The following CLNK variants were observed in gnomAD, a reference collection of about 807,000 sequenced individuals.
The protein encoded by CLNK is cytokine dependent hematopoietic cell linker.
CLNK carries 74 observed loss-of-function variants against 68.6 expected under a neutral mutation model. The observed-to-expected ratio is 1.08, with a 90% CI of 0.89 to 1.31. CLNK has a LOEUF of 1.31. Among genes scored for constraint, CLNK ranks in the 50% most tolerant of loss-of-function variants. CLNK has a pLI of 0.00. For missense variants in CLNK, 553 were observed against 515.3 expected, an observed-to-expected ratio of 1.07 and a Z score of -0.71; for synonymous variants, 198 against 172.2, an observed-to-expected ratio of 1.15 and a Z score of -1.17.
intron 12 of CLNK, chr4:10,531,794 T>G (rs1301820233): frequency 6.6e-6 from 3 of 457,282 alleles, no homozygotes; most frequent in Non-Finnish European, 1.3e-5. Flanking sequence ...TAAGAGCATT[T>G]TCTGAAGTTC....
chr4:10,733,758 A>G, the CLNK span, among the ~76,000 whole-genome samples: 1,573 of 152,278 alleles, frequency 0.01, 17 homozygotes, highest in East Asian at 0.062. Flanking sequence ...AGATGCTTTT[A>G]TCACTTTTCA....
chr4:10,498,274 G>A (rs937020417), intron 18 of CLNK, among the ~76,000 whole-genome samples: 1 of 152,086 alleles, frequency 6.6e-6, no homozygotes, highest in Non-Finnish European at 1.5e-5. Flanking sequence ...GGCGAATCAC[G>A]AGGTCAGGAG....
intron 2 of CLNK, among the ~76,000 whole-genome samples, chr4:10,659,126 C>T (rs1354384264): frequency 1.3e-5 from 2 of 152,162 alleles, no homozygotes; most frequent in Admixed American, 1.3e-4. Context: ...CTTTCTTGAA[C>T]CCGGGAGAAG....
chr4:10,584,151 G>A (rs1382748135), intron 4 of CLNK, among the ~76,000 whole-genome samples: 1 of 152,186 alleles, frequency 6.6e-6, no homozygotes, highest in East Asian at 1.9e-4. Flanking sequence ...GTGTGAACTC[G>A]TATTTCCCAC....
At chr4:10,499,060 T>C (rs1312251755) in intron 18 of CLNK, among the ~76,000 whole-genome samples, 1 of 148,748 alleles carries the variant, frequency 6.7e-6, no homozygotes, top group Non-Finnish European at 1.5e-5. Flanking sequence ...GCATTATCAG[T>C]ACCAGCTCAC....
At chr4:10,598,272 A>C (rs539714989) in intron 2 of CLNK, among the ~76,000 whole-genome samples, 2 of 152,362 alleles carry the variant, frequency 1.3e-5, no homozygotes, top group African/African-American at 4.8e-5. Flanking sequence ...TTTATTTTAC[A>C]GGAAACAGTA....
intron 6 of CLNK, 65 bp from the exon 7 acceptor site, chr4:10,564,842 G>C: frequency 2.1e-6 from 2 of 970,022 alleles, no homozygotes; most frequent in Non-Finnish European, 3.3e-6. Flanking sequence ...AATTTACAAA[G>C]TATTTGCACA....
chr4:10,672,531 A>G (rs1724688660), intron 1 of CLNK, among the ~76,000 whole-genome samples: 1 of 152,144 alleles, frequency 6.6e-6, no homozygotes, highest in African/African-American at 2.4e-5. Context: ...GCCTTATATC[A>G]CTTTAAGTGC....
At chr4:10,580,170 T>C (rs1262388853) in intron 4 of CLNK, among the ~76,000 whole-genome samples, 1 of 152,222 alleles carries the variant, frequency 6.6e-6, no homozygotes, top group Non-Finnish European at 1.5e-5. Context: ...ATCCATATCA[T>C]TACCTAATGA....
chr4:10,673,546 T>C (rs1357559971), intron 1 of CLNK, among the ~76,000 whole-genome samples: 1 of 152,094 alleles, frequency 6.6e-6, no homozygotes, highest in Non-Finnish European at 1.5e-5. Context: ...GAAACCATCA[T>C]TCTCAGCAAA....
chr4:10,545,378 G>A (rs950458816), intron 8 of CLNK, among the ~76,000 whole-genome samples: 9 of 152,174 alleles, frequency 5.9e-5, no homozygotes, highest in African/African-American at 2.2e-4. Context: ...GAAGAATTTG[G>A]GTCCTAAGGT....
At chr4:10,558,534 G>T in intron 7 of CLNK, 82 bp from the exon 8 acceptor site, 3 of 1,352,338 alleles carry the variant, frequency 2.2e-6, no homozygotes, top group Non-Finnish European at 2.1e-6. Flanking sequence ...CTGTGGTTAG[G>T]TTCCCAAGGA....
chr4:10,578,974 T>G (rs928656712), intron 4 of CLNK, among the ~76,000 whole-genome samples: 2 of 152,210 alleles, frequency 1.3e-5, no homozygotes, highest in African/African-American at 4.8e-5. Flanking sequence ...TCCATGTATG[T>G]GAATGTCTTT....
chr4:10,708,504 A>C, the CLNK span, among the ~76,000 whole-genome samples: 1 of 152,190 alleles, frequency 6.6e-6, no homozygotes, highest in Admixed American at 6.5e-5. Context: ...ACCAGTGTAC[A>C]TAGATAGCAT....
chr4:10,600,894 CA>C (rs1331565977), intron 2 of CLNK, among the ~76,000 whole-genome samples: 1 of 152,102 alleles, frequency 6.6e-6, no homozygotes, highest in Non-Finnish European at 1.5e-5. Context: ...TGGCTTTAAC[CA>C]GGCCAATTTT....
At chr4:10,652,009 A>G (rs1307475207) in intron 2 of CLNK, among the ~76,000 whole-genome samples, 1 of 152,170 alleles carries the variant, frequency 6.6e-6, no homozygotes, top group East Asian at 1.9e-4. Flanking sequence ...AGGGGGGTCA[A>G]ATAGAAAGCA....
chr4:10,497,680 G>A (rs896105592), intron 18 of CLNK, among the ~76,000 whole-genome samples: 1 of 152,178 alleles, frequency 6.6e-6, no homozygotes, highest in African/African-American at 2.4e-5. Context: ...CCAAAGTGGG[G>A]CATGTTGGAA....
At chr4:10,587,282 T>G (rs1423481009) in intron 3 of CLNK, among the ~76,000 whole-genome samples, 1 of 152,118 alleles carries the variant, frequency 6.6e-6, no homozygotes, top group Non-Finnish European at 1.5e-5. Context: ...TCTGACAAGG[T>G]CTTTGCACAG....
At chr4:10,550,561 C>T (rs1291156606) in intron 8 of CLNK, among the ~76,000 whole-genome samples, 2 of 152,102 alleles carry the variant, frequency 1.3e-5, no homozygotes, top group Non-Finnish European at 2.9e-5. Flanking sequence ...TCCACTTATC[C>T]TAAGGCAAAA....
Sources: gnomAD v4.1 joint callset for allele counts (sites outside exome capture counted in the v4.1 genomes callset) on GRCh38, gnomAD v4.1.1 for gene constraint, MANE v1.5 for transcripts, NCBI Gene and HGNC (gene_info 2026-07-23, HGNC 2026-07-21) for gene names.